The following KAZN variants were observed in gnomAD, a reference collection of about 807,000 sequenced individuals.
KAZN encodes kazrin.
A neutral mutation model predicts 87.4 loss-of-function variants in KAZN; 40 were observed. That is an observed-to-expected ratio of 0.46 (90% CI 0.36 to 0.60). The LOEUF is 0.60. Ranked by LOEUF, KAZN falls within the 20% of genes least tolerant of loss-of-function variation. KAZN has a pLI of 0.00. For synonymous variants in KAZN, 466 were observed against 458.3 expected (o/e 1.02, Z -0.22); for missense variants, 898 against 1,073.9 (o/e 0.84, Z 2.29).
At chr1:13,950,921 C>A (rs1641322768) in intron 1 of KAZN, among the ~76,000 whole-genome samples, 1 of 152,038 alleles carries the variant, frequency 6.6e-6, no homozygotes. Context: ...ATCGCCTTCC[C>A]AAAAGATGTG....
chr1:14,467,067 T>A (rs1466793485), intron 2 of KAZN, among the ~76,000 whole-genome samples: 1 of 152,144 alleles, frequency 6.6e-6, no homozygotes, highest in Non-Finnish European at 1.5e-5. Flanking sequence ...TAAATATATT[T>A]TTGTAATTCC....
At chr1:14,372,964 A>C (rs558425756) in intron 2 of KAZN, among the ~76,000 whole-genome samples, 2 of 152,266 alleles carry the variant, frequency 1.3e-5, no homozygotes, top group African/African-American at 4.8e-5. Flanking sequence ...AAACTAATAC[A>C]AAAGAGCCTA....
At chr1:14,598,466 G>A (rs1676655568), upstream of KAZN, among the ~76,000 whole-genome samples, 1 of 152,122 alleles carries the variant, frequency 6.6e-6, no homozygotes, top group Non-Finnish European at 1.5e-5. This position sits in a 1 kb window ranked among gnomAD's most constrained non-coding sequence, Gnocchi z 4.2. Context: ...GGGGACAGAG[G>A]GCCGGCCTCG....
intron 1 of KAZN, among the ~76,000 whole-genome samples, chr1:14,605,318 A>G (rs1265005113): frequency 3.9e-5 from 6 of 152,200 alleles, no homozygotes; most frequent in Admixed American, 1.3e-4. Flanking sequence ...CTTAACATGC[A>G]TTATTGAATC....
At chr1:14,713,027 C>G (rs1167180194) in intron 1 of KAZN, among the ~76,000 whole-genome samples, 1 of 152,160 alleles carries the variant, frequency 6.6e-6, no homozygotes, top group Non-Finnish European at 1.5e-5. Flanking sequence ...GTGGCATAGA[C>G]AGTGAGTACA....
rs71000342 is a variant in KAZN at position 14,858,214 on chromosome 1, C to CT, written c.227-102454dup. 6.9e-3 allele frequency among the ~76,000 whole-genome samples: 806 copies of CT among 117,018 alleles called. 21 individuals are homozygous for CT. Among genetic ancestry groups the CT allele is most frequent in the East Asian group, 0.039 (167 of 4,256 alleles). The allele number at this position is 117,018 out of a possible 152,430, so 76.8% of individuals were successfully genotyped here. A position where few individuals can be genotyped will look rare whatever the true frequency, so the allele number is the denominator to read the frequency against. On this transcript the variant is annotated intron_variant, in intron 1 of 14. Coordinates refer to ENST00000376030, the MANE Select transcript of KAZN (RefSeq NM_201628.3). ...TTTTTTTCTTTTTTCTTTTTCTTTT[C>CT]TTTTTTTTTTTTTTTTGAGACAAAG... is the stretch of plus-strand genomic sequence containing the variant.
intron 1 of KAZN, among the ~76,000 whole-genome samples, chr1:13,981,896 T>TA (rs1034751587): frequency 6.6e-6 from 1 of 152,122 alleles, no homozygotes; most frequent in African/African-American, 2.4e-5. Flanking sequence ...GCCCTAGTCT[T>TA]AAACATTAGA....
chr1:14,231,035 T>C (rs889030018), intron 2 of KAZN, among the ~76,000 whole-genome samples: 2 of 152,166 alleles, frequency 1.3e-5, no homozygotes, highest in African/African-American at 4.8e-5. Context: ...ATGAGTGTAT[T>C]TGAAGTATTA....
chr1:14,514,887 T>C (rs1671223663), intron 2 of KAZN, among the ~76,000 whole-genome samples: 1 of 152,094 alleles, frequency 6.6e-6, no homozygotes, highest in Non-Finnish European at 1.5e-5. Context: ...TGAAGTCAGA[T>C]GACATATGCT....
chr1:14,995,965 C>T (rs1021188936), intron 2 of KAZN, among the ~76,000 whole-genome samples: 2 of 151,956 alleles, frequency 1.3e-5, no homozygotes, highest in African/African-American at 2.4e-5. Flanking sequence ...GAAAATAAGC[C>T]GGTCCGGCCA....
chr1:14,942,595 G>A (rs1329079956), intron 1 of KAZN, among the ~76,000 whole-genome samples: 1 of 152,228 alleles, frequency 6.6e-6, no homozygotes, highest in African/African-American at 2.4e-5. Flanking sequence ...ATGAGGGGTA[G>A]AGGGTGGCTT....
intron 2 of KAZN, among the ~76,000 whole-genome samples, chr1:14,290,690 A>G (rs1571232080): frequency 6.6e-6 from 1 of 152,150 alleles, no homozygotes; most frequent in Admixed American, 6.5e-5. Context: ...CAGCTTGTCA[A>G]AGTCATTCTC....
chr1:14,802,671 C>A (rs538506912), intron 1 of KAZN, among the ~76,000 whole-genome samples: 1 of 152,350 alleles, frequency 6.6e-6, no homozygotes, highest in East Asian at 1.9e-4. Context: ...CCCGGCACCG[C>A]TGTTCACAGA....
intron 2 of KAZN, among the ~76,000 whole-genome samples, chr1:14,328,823 C>CA (rs1487174326): frequency 7.7e-5 from 11 of 142,250 alleles, no homozygotes; most frequent in Admixed American, 5.0e-4. Flanking sequence ...GTGCCTTTAT[C>CA]AAGATATTCC....
intron 2 of KAZN, among the ~76,000 whole-genome samples, chr1:14,513,657 T>C (rs754749944): frequency 6.6e-6 from 1 of 152,196 alleles, no homozygotes; most frequent in Non-Finnish European, 1.5e-5. Context: ...GGATATTTTA[T>C]ACAGACTAGA....
chr1:13,922,227 G>T (rs963233437), intron 1 of KAZN, among the ~76,000 whole-genome samples: 1 of 151,940 alleles, frequency 6.6e-6, no homozygotes, highest in South Asian at 2.1e-4. Context: ...ACAGATCATC[G>T]GTCCCCCGCC....
intron 1 of KAZN, among the ~76,000 whole-genome samples, chr1:14,852,558 G>A (rs538743213): frequency 3.3e-5 from 5 of 152,168 alleles, no homozygotes; most frequent in East Asian, 1.9e-4. Context: ...CTTGGTCAGC[G>A]TTTTCAGCCT....
chr1:14,805,495 A>G (rs566032404), intron 1 of KAZN, among the ~76,000 whole-genome samples: 1 of 152,316 alleles, frequency 6.6e-6, no homozygotes, highest in Non-Finnish European at 1.5e-5. Context: ...GCGGTGTCTC[A>G]CACCTATATT....
intron 5 of KAZN, among the ~76,000 whole-genome samples, chr1:15,058,076 C>T (rs1209934247): frequency 1.3e-5 from 2 of 152,252 alleles, no homozygotes; most frequent in Non-Finnish European, 2.9e-5. Context: ...CCTCTATGCT[C>T]CTGTAAAGTT....
Sources: gnomAD v4.1 joint callset for allele counts (sites outside exome capture counted in the v4.1 genomes callset) on GRCh38, gnomAD v4.1.1 for gene constraint, Gnocchi (gnomAD v3.1) non-coding constraint, MANE v1.5 for transcripts, NCBI Gene and HGNC (gene_info 2026-07-23, HGNC 2026-07-21) for gene names.